Variants in SNX29 observed in about 807,000 individuals in gnomAD.
The protein encoded by SNX29 is sorting nexin 29.
A neutral mutation model predicts 102.1 loss-of-function variants in SNX29; 78 were observed. The observed-to-expected ratio is 0.76, with a 90% CI of 0.64 to 0.92. SNX29 has a LOEUF of 0.92. Among genes scored for constraint, SNX29 ranks in the 40% least tolerant of loss-of-function variants. SNX29 has a pLI of 0.00. For synonymous variants in SNX29, 580 were observed against 414.5 expected (o/e 1.40, Z -4.85); for missense variants, 1,280 against 1,061.7 (o/e 1.21, Z -2.86).
chr16:12,438,325 C>A (rs144711305), intron 18 of SNX29, among the ~76,000 whole-genome samples: 1 of 152,166 alleles, frequency 6.6e-6, no homozygotes, highest in African/African-American at 2.4e-5. Flanking sequence ...AATTTGAGAG[C>A]TCAGCTGGGT....
intron 13 of SNX29, among the ~76,000 whole-genome samples, chr16:12,167,950 A>G (rs2076055293): frequency 6.6e-6 from 1 of 152,102 alleles, no homozygotes; most frequent in African/African-American, 2.4e-5. Flanking sequence ...CTGACCCTTT[A>G]CCAAAAGAGC....
intron 13 of SNX29, among the ~76,000 whole-genome samples, chr16:12,133,108 C>T (rs1056562104): frequency 3.9e-5 from 6 of 152,056 alleles, no homozygotes; most frequent in African/African-American, 4.8e-5. Flanking sequence ...ATGCTTTCCT[C>T]AGGTGTGTGT....
chr16:12,287,891 A>T (rs114795268), intron 15 of SNX29, among the ~76,000 whole-genome samples: 2,868 of 152,228 alleles, frequency 0.019, 111 homozygotes, highest in African/African-American at 0.066. Context: ...AATTTCTCCT[A>T]CCAGTGTTTT....
chr16:12,568,566 C>T lies in SNX29; in HGVS notation c.2379C>T (p.Pro793=), dbSNP rs1424442249. ...NSRPKAASRF[P]KLSRGQPRET... Reference sequence around the variant, plus strand: ...GGCCCAAAGCAGCTTCCCGCTTCCCCAAACTGTCCCGGGGTCAGCCCCGGG... The same window carrying T: ...GGCCCAAAGCAGCTTCCCGCTTCCCTAAACTGTCCCGGGGTCAGCCCCGGG... Residue 793 remains proline, a synonymous_variant, in exon 21 of 21, where the codon CCC becomes CCT. Transcript: ENST00000566228. 2 of 1,608,424 alleles carry T rather than the reference C, an allele frequency of 1.2e-6. No individual in the cohort carries two copies. Among genetic ancestry groups the T allele is most frequent in the South Asian group, 1.1e-5 (1 of 91,078 alleles).
chr16:12,566,181 C>T (rs867076565), intron 20 of SNX29, among the ~76,000 whole-genome samples: 3 of 152,158 alleles, frequency 2.0e-5, no homozygotes, highest in South Asian at 2.1e-4. Flanking sequence ...TTTAGGTAGC[C>T]CTTGAATCCT....
intron 20 of SNX29, among the ~76,000 whole-genome samples, chr16:12,553,965 C>T (rs1030510565): frequency 6.6e-6 from 1 of 152,126 alleles, no homozygotes; most frequent in Non-Finnish European, 1.5e-5. Context: ...GTAGCTGGGA[C>T]TACAGGCATC....
At chr16:12,189,649 G>T (rs777848206) in intron 13 of SNX29, among the ~76,000 whole-genome samples, 44 of 152,192 alleles carry the variant, frequency 2.9e-4, no homozygotes, top group South Asian at 1.0e-3. Flanking sequence ...TACATATTTT[G>T]TAGGGAGGTT....
At chr16:12,132,508 G>A (rs1460549779) in intron 13 of SNX29, among the ~76,000 whole-genome samples, 1 of 152,184 alleles carries the variant, frequency 6.6e-6, no homozygotes, top group Non-Finnish European at 1.5e-5. Context: ...CTGCACATAT[G>A]TGCTTCCTCA....
chr16:12,471,980 G>A (rs1220915094), intron 18 of SNX29, among the ~76,000 whole-genome samples: 2 of 152,224 alleles, frequency 1.3e-5, no homozygotes, highest in East Asian at 3.8e-4. Flanking sequence ...AAGTGCAAAA[G>A]CCACACACGC....
intron 13 of SNX29, among the ~76,000 whole-genome samples, chr16:12,132,916 T>C (rs2054520544): frequency 6.6e-6 from 1 of 152,232 alleles, no homozygotes; most frequent in African/African-American, 2.4e-5. Context: ...AGAGTTAACC[T>C]CTGCCAGTGG....
chr16:12,214,907 A>T (rs1174646412), intron 14 of SNX29, among the ~76,000 whole-genome samples: 3 of 152,216 alleles, frequency 2.0e-5, no homozygotes, highest in Admixed American at 1.3e-4. Context: ...CTGTGGTGAC[A>T]GATTCAAGAA....
At chr16:12,464,478 G>C (rs150714678) in intron 18 of SNX29, among the ~76,000 whole-genome samples, 3 of 151,780 alleles carry the variant, frequency 2.0e-5, no homozygotes, top group South Asian at 4.2e-4. Context: ...TTTGAGACAG[G>C]GTCTCAGCTC....
At chr16:12,481,744 A>G (rs1254342436) in intron 19 of SNX29, among the ~76,000 whole-genome samples, 2 of 152,204 alleles carry the variant, frequency 1.3e-5, no homozygotes, top group African/African-American at 4.8e-5. Flanking sequence ...CATGTTGGCC[A>G]GGCTGTTCTC....
At chr16:12,423,674 C>A (rs11075071) in intron 18 of SNX29, among the ~76,000 whole-genome samples, 2 of 151,904 alleles carry the variant, frequency 1.3e-5, no homozygotes, top group African/African-American at 2.4e-5. Flanking sequence ...GTGTTCAAAC[C>A]ATTCTCCTGT....
At chr16:12,323,663 A>G (rs569798188) in intron 15 of SNX29, among the ~76,000 whole-genome samples, 1 of 152,288 alleles carries the variant, frequency 6.6e-6, no homozygotes, top group South Asian at 2.1e-4. Flanking sequence ...ACAGAAAACC[A>G]TCTTGGTTTC....
intron 15 of SNX29, among the ~76,000 whole-genome samples, chr16:12,295,896 G>C (rs563184814): frequency 6.6e-6 from 1 of 152,150 alleles, no homozygotes; most frequent in Admixed American, 6.5e-5. Flanking sequence ...TCTGCGCCCA[G>C]CGCTTTCATC....
chr16:12,352,634 G>A (rs1156533934), intron 15 of SNX29, among the ~76,000 whole-genome samples: 2 of 152,176 alleles, frequency 1.3e-5, no homozygotes, highest in African/African-American at 2.4e-5. Flanking sequence ...TTTGCACCTC[G>A]TTAACTGATA....
At position 12,048,482 on chromosome 16, in the gene SNX29, ACCT is replaced by A. The variant is rs3975443; in HGVS notation, c.614_616del (p.Ser205del). 1.9e-6 allele frequency: 3 copies of A among 1,613,664 alleles called. No homozygotes were observed. Among genetic ancestry groups the A allele is most frequent in the South Asian group, 2.2e-5 (2 of 91,048 alleles). On this transcript the variant is annotated inframe_deletion, in exon 7 of 21. Coordinates refer to ENST00000566228, the MANE Select transcript of SNX29 (RefSeq NM_032167.5). ...CTTAAAGGAGTCAACGCAGAACGTG[ACCT>A]CCTTGCTGAAGGAGTCCACGCAAGG...
chr16:11,978,266 A>G (rs1202317337), intron 1 of SNX29, among the ~76,000 whole-genome samples: 1 of 152,110 alleles, frequency 6.6e-6, no homozygotes, highest in Non-Finnish European at 1.5e-5. Flanking sequence ...GTAATACCTC[A>G]GTAAAGATGT....
Sources: allele counts gnomAD v4.1 joint callset (sites outside exome capture counted in the v4.1 genomes callset), GRCh38; gene constraint gnomAD v4.1.1; transcripts MANE v1.5; gene names NCBI Gene and HGNC (gene_info 2026-07-23, HGNC 2026-07-21).